Variants in TEAD4 observed in about 807,000 individuals in gnomAD.
TEAD4 encodes the protein TEA domain transcription factor 4, also known as transcriptional enhancer factor TEF-3.
TEAD4 carries 36 observed loss-of-function variants against 52.4 expected under a neutral mutation model. That is an observed-to-expected ratio of 0.69 (90% CI 0.53 to 0.91). The LOEUF (loss-of-function observed/expected upper bound fraction) is 0.91. Among genes scored for constraint, TEAD4 ranks in the 40% least tolerant of loss-of-function variants. The pLI, the probability that TEAD4 is intolerant of heterozygous loss-of-function variation, is 0.00. For missense variants in TEAD4, 508 were observed against 583.9 expected, an observed-to-expected ratio of 0.87 and a Z score of 1.34; for synonymous variants, 220 against 231.0, an observed-to-expected ratio of 0.95 and a Z score of 0.43.
chr12:3,019,824 C>T (rs984648395), intron 8 of TEAD4, among the ~76,000 whole-genome samples: 7 of 152,294 alleles, frequency 4.6e-5, no homozygotes, highest in Middle Eastern at 3.4e-3. Context: ...TCCCCCAGGT[C>T]CTGAAGGCTG....
At chr12:3,021,730 C>T in intron 9 of TEAD4, 114 bp from the exon 10 acceptor site, 1 of 1,086,970 alleles carries the variant, frequency 9.2e-7, no homozygotes, top group South Asian at 1.6e-5. Context: ...GAAACTATGG[C>T]CCAGAAAGGC....
At chr12:2,969,795 G>A (rs1315375494) in intron 2 of TEAD4, among the ~76,000 whole-genome samples, 3 of 152,184 alleles carry the variant, frequency 2.0e-5, no homozygotes, top group East Asian at 3.9e-4. Context: ...AGGAACAGGC[G>A]GAATCTGGGT....
intron 2 of TEAD4, among the ~76,000 whole-genome samples, chr12:2,969,566 G>T (rs1439049470): frequency 1.3e-5 from 2 of 152,190 alleles, no homozygotes; most frequent in African/African-American, 4.8e-5. Flanking sequence ...TTGTGGTCCT[G>T]GGCCTCAGTT....
intron 10 of TEAD4, among the ~76,000 whole-genome samples, chr12:3,028,058 G>T (rs1220083490): frequency 6.6e-6 from 1 of 152,080 alleles, no homozygotes; most frequent in African/African-American, 2.4e-5. Flanking sequence ...GCCTATTCTG[G>T]ACATTTTGTA....
At chr12:3,017,267 G>C (rs2153957124) in intron 5 of TEAD4, 131 bp from the exon 6 acceptor site, 1 of 1,223,898 alleles carries the variant, frequency 8.2e-7, no homozygotes, top group East Asian at 2.5e-5. Flanking sequence ...GCACGGCACA[G>C]ACTTAACGCC....
At chr12:3,032,976 C>G (rs114647419) in intron 10 of TEAD4, among the ~76,000 whole-genome samples, 2,312 of 152,338 alleles carry the variant, frequency 0.015, 63 homozygotes, top group African/African-American at 0.052. Context: ...CCGCCTTCCC[C>G]CTCCATCAGC....
chr12:2,961,254 T>C (rs2098215042), intron 2 of TEAD4, among the ~76,000 whole-genome samples: 1 of 152,166 alleles, frequency 6.6e-6, no homozygotes, highest in Non-Finnish European at 1.5e-5. Context: ...GCTGACCAGG[T>C]AACCCAGTAG....
In TEAD4 at chr12:2,968,083, C is replaced by CTTTTT. The variant is rs34430154; in HGVS notation, c.-30+8059_-30+8063dup. Among the ~76,000 whole-genome samples, 89 of 112,000 alleles carry CTTTTT rather than the reference C, an allele frequency of 7.9e-4. 2 individuals carry two copies. Among genetic ancestry groups the CTTTTT allele is most frequent in the East Asian group, 1.8e-3 (6 of 3,300 alleles). The allele number at this position is 112,000 out of a possible 152,430, so 73.5% of individuals were successfully genotyped here. A position where few individuals can be genotyped will look rare whatever the true frequency, so the allele number is the denominator to read the frequency against. ...GTGATCTGATCTCAAACATGTGGGT[C>CTTTTT]TTTTTTTTTTTTTTTTTTTTGAGAC... On this transcript the variant is annotated intron_variant, in intron 2 of 12. Coordinates refer to ENST00000359864, the MANE Select transcript of TEAD4 (RefSeq NM_003213.4).
intron 4 of TEAD4, among the ~76,000 whole-genome samples, chr12:3,011,371 T>C (rs1034303846): frequency 2.0e-5 from 3 of 151,690 alleles, no homozygotes; most frequent in African/African-American, 7.3e-5. Flanking sequence ...GCTGGGGTTA[T>C]AGTCACCCGC....
intron 3 of TEAD4, 27 bp from the exon 4 acceptor site, chr12:3,010,977 A>G: frequency 6.2e-7 from 1 of 1,613,670 alleles, no homozygotes; most frequent in Non-Finnish European, 8.5e-7. Flanking sequence ...CCTTCTCTCC[A>G]CTGAGAGGCT....
intron 3 of TEAD4, among the ~76,000 whole-genome samples, chr12:3,002,494 G>A (rs923002868): frequency 4.6e-5 from 7 of 152,208 alleles, no homozygotes; most frequent in Non-Finnish European, 8.8e-5. Context: ...TTCTGATTTC[G>A]CATATCCTCA....
Position 3,012,150 on chromosome 12 carries a change from G to A in TEAD4, c.292-20G>A. 6.2e-7 allele frequency: 1 copy of A among 1,613,104 alleles called. No homozygotes were observed. The highest frequency in any genetic ancestry group is 8.5e-7 in the Non-Finnish European group (1 of 1,179,260). ...AGGTTGTTGGGAGGTAGAGACAGGAGTCCTCTCTCCCTGCCACAGGTCTCC... is the reference window on the plus strand; with the variant it reads ...AGGTTGTTGGGAGGTAGAGACAGGAATCCTCTCTCCCTGCCACAGGTCTCC... On this transcript the variant is annotated intron_variant, in intron 4 of 12. Transcript: ENST00000359864.
intron 10 of TEAD4, among the ~76,000 whole-genome samples, chr12:3,025,691 C>G (rs1414864694): frequency 6.6e-6 from 1 of 152,036 alleles, no homozygotes; most frequent in East Asian, 1.9e-4. Context: ...CGTGTGCCAC[C>G]AGGCCTGGCT....
At position 3,021,976 on chromosome 12, in the gene TEAD4, G is replaced by A. The variant is rs2098269020; in HGVS notation, c.856G>A (p.Glu286Lys). 2.5e-6 allele frequency: 4 copies of A among 1,614,230 alleles called. No homozygotes were observed. The highest frequency in any genetic ancestry group is 3.4e-6 in the Non-Finnish European group (4 of 1,180,040). The stretch of plus-strand genomic sequence containing the variant: ...AAAGGGTGGACTCAAGGATCTCTTC[G>A]AACGGGGACCCTCCAATGCCTTTTT... Residue 286 changes from glutamate (E) to lysine (K), a missense_variant, in exon 10 of 13, where the codon GAA (glutamate) becomes AAA (lysine). Transcript: ENST00000359864.
rs1297011700 is a variant in TEAD4 at position 3,000,760 on chromosome 12, A to C, written c.226+5768A>C. On this transcript the variant is annotated intron_variant, in intron 3 of 12. Transcript: ENST00000359864. ...CCCTGGTGGAGGATCTGGGCAAAGC[A>C]CTGTTGGTTCGTCAGACTGTCAGAG... is the stretch of plus-strand genomic sequence containing the variant. Among the ~76,000 whole-genome samples, 4 of 152,258 alleles carry C rather than the reference A, an allele frequency of 2.6e-5. No individual in the cohort carries two copies. The East Asian group carries it at 7.7e-4, about 29-fold the overall frequency.
rs193185239 is a variant in TEAD4, at chr12:2,977,521, C to T, written c.-29-17217C>T. On this transcript the variant is annotated intron_variant, in intron 2 of 12. Transcript: ENST00000359864. ...TGAAGGCCTCACACCAAAGGATGGC[C>T]GGGAAGGTGCTGCCGTGCATTGCCT... Among the ~76,000 whole-genome samples, 232 of 152,298 alleles carry T rather than the reference C, an allele frequency of 1.5e-3. 1 individual carries two copies. Among genetic ancestry groups the T allele is most frequent in the South Asian group, 4.3e-3 (21 of 4,828 alleles).
chr12:2,960,930 C>G lies in TEAD4; in HGVS notation c.-30+890C>G, dbSNP rs561221175. Among the ~76,000 whole-genome samples the G allele has an allele frequency of 2.6e-5, 4 of 152,214 alleles. No individual in the cohort carries two copies. The East Asian group carries it at 7.7e-4, about 29-fold the overall frequency. On this transcript the variant is annotated intron_variant, in intron 2 of 12. Coordinates refer to ENST00000359864, the MANE Select transcript of TEAD4 (RefSeq NM_003213.4). ...CCTCCAGGCTCCGTTTCCCCTGGAC[C>G]GGGCAGAGCTGGAAGGAAGCTGGCT...
chr12:2,962,998 C>T (rs781727479), intron 2 of TEAD4, among the ~76,000 whole-genome samples: 1 of 152,150 alleles, frequency 6.6e-6, no homozygotes, highest in East Asian at 1.9e-4. Flanking sequence ...TGCCTTGTCG[C>T]TCAGATAAGG....
intron 10 of TEAD4, among the ~76,000 whole-genome samples, chr12:3,025,693 G>C (rs1259136208): frequency 2.0e-5 from 3 of 151,826 alleles, no homozygotes; most frequent in African/African-American, 7.3e-5. Flanking sequence ...TGTGCCACCA[G>C]GCCTGGCTAA....
Sources: allele counts gnomAD v4.1 joint callset (sites outside exome capture counted in the v4.1 genomes callset), GRCh38; gene constraint gnomAD v4.1.1; transcripts MANE v1.5; gene names NCBI Gene and HGNC (gene_info 2026-07-23, HGNC 2026-07-21).